Variants in GRIK4 observed in about 807,000 individuals in gnomAD.
GRIK4 encodes the protein glutamate receptor ionotropic, kainate 4.
In GRIK4, 40 loss-of-function variants were observed where a neutral mutation model predicts 104.9. The observed-to-expected ratio is 0.38, with a 90% confidence interval of 0.30 to 0.50. GRIK4 has a LOEUF of 0.50. GRIK4 is among the 20% of genes least tolerant of loss of function. The probability of loss-of-function intolerance (pLI) is 0.93; values close to 1 mark genes in which losing one functional copy is unlikely to be tolerated. For missense variants in GRIK4, 1,047 were observed against 1,308.1 expected, an observed-to-expected ratio of 0.80 and a Z score of 3.08; for synonymous variants, 485 against 524.9, an observed-to-expected ratio of 0.92 and a Z score of 1.04.
intron 12 of GRIK4, among the ~76,000 whole-genome samples, chr11:120,899,322 G>A (rs1359104752): frequency 6.6e-6 from 1 of 151,206 alleles, no homozygotes; most frequent in African/African-American, 2.4e-5. Flanking sequence ...TTGGGAGGCT[G>A]AGGCACGAGA....
intron 3 of GRIK4, among the ~76,000 whole-genome samples, chr11:120,702,029 C>T (rs192796500): frequency 6.8e-6 from 1 of 146,384 alleles, no homozygotes; most frequent in Non-Finnish European, 1.5e-5. Context: ...GATACCGGCT[C>T]ACTGCAATCT....
rs1290650464 is a variant in GRIK4 at position 120,513,299 on chromosome 11, C to T, written c.-159+1412C>T. Among the ~76,000 whole-genome samples, 2 of 152,182 alleles carry T rather than the reference C, an allele frequency of 1.3e-5. No individual in the cohort carries two copies. The highest frequency in any genetic ancestry group is 4.8e-5 in the African/African-American group (2 of 41,454). ...TGACACTTCTAGGAGCACCGGGAAACTGCGGGCGTGGTATCTCCGGGGAGA... is the reference window on the plus strand; with the variant it reads ...TGACACTTCTAGGAGCACCGGGAAATTGCGGGCGTGGTATCTCCGGGGAGA... On this transcript the variant is annotated intron_variant, in intron 1 of 20. Transcript: ENST00000527524. The surrounding 1 kb of genome is among the most constrained non-coding windows in gnomAD (Gnocchi z 4.5).
At chr11:120,666,460 G>A (rs1456056511) in intron 3 of GRIK4, among the ~76,000 whole-genome samples, 3 of 152,230 alleles carry the variant, frequency 2.0e-5, no homozygotes, top group African/African-American at 4.8e-5. Flanking sequence ...CACAAAACGA[G>A]GCAGAGCTAA....
chr11:120,784,823 A>T (rs974624300), intron 3 of GRIK4, among the ~76,000 whole-genome samples: 1 of 151,788 alleles, frequency 6.6e-6, no homozygotes, highest in Admixed American at 6.6e-5. Flanking sequence ...TCCCCAGTTC[A>T]TCCATGAGTC....
chr11:120,717,775 A>T (rs1227976602), intron 3 of GRIK4, among the ~76,000 whole-genome samples: 1 of 152,114 alleles, frequency 6.6e-6, no homozygotes, highest in Non-Finnish European at 1.5e-5. Flanking sequence ...AGGGAAGCCC[A>T]GCCGCCCAGC....
At chr11:120,786,504 G>A (rs1447094789) in intron 3 of GRIK4, among the ~76,000 whole-genome samples, 2 of 152,120 alleles carry the variant, frequency 1.3e-5, no homozygotes, top group East Asian at 3.9e-4. Flanking sequence ...GGTCCCAATA[G>A]CACCTTCACT....
At chr11:120,538,265 G>A (rs960131610) in intron 1 of GRIK4, among the ~76,000 whole-genome samples, 6 of 152,198 alleles carry the variant, frequency 3.9e-5, no homozygotes, top group African/African-American at 1.4e-4. Context: ...GAGAGGACCT[G>A]TTTCTGGAGA....
intron 9 of GRIK4, among the ~76,000 whole-genome samples, chr11:120,865,474 C>G (rs940688331): frequency 1.3e-5 from 2 of 152,244 alleles, no homozygotes; most frequent in African/African-American, 4.8e-5. Flanking sequence ...CAAGGGTTGG[C>G]TAATCCAGAC....
At chr11:120,973,665 C>A (rs1454286196) in intron 19 of GRIK4, among the ~76,000 whole-genome samples, 3 of 152,164 alleles carry the variant, frequency 2.0e-5, no homozygotes. Flanking sequence ...AATGTGGTGG[C>A]CCCATTTGTG....
chr11:120,546,786 G>A (rs1948089437), intron 1 of GRIK4, among the ~76,000 whole-genome samples: 1 of 152,178 alleles, frequency 6.6e-6, no homozygotes, highest in Non-Finnish European at 1.5e-5. Context: ...CCCTCCCACT[G>A]TGTGGCTACT....
At chr11:120,578,399 G>A (rs975111928) in intron 1 of GRIK4, among the ~76,000 whole-genome samples, 1 of 152,140 alleles carries the variant, frequency 6.6e-6, no homozygotes, top group Non-Finnish European at 1.5e-5. Flanking sequence ...CTGCTCCTAG[G>A]TGTGCAAGGG....
intron 3 of GRIK4, among the ~76,000 whole-genome samples, chr11:120,713,275 G>A (rs1950770774): frequency 6.6e-6 from 1 of 152,146 alleles, no homozygotes; most frequent in African/African-American, 2.4e-5. Flanking sequence ...GCTGTTCATT[G>A]GTTGTTTGGA....
chr11:120,934,768 C>T (rs1309440040), intron 13 of GRIK4, among the ~76,000 whole-genome samples: 1 of 152,154 alleles, frequency 6.6e-6, no homozygotes, highest in Non-Finnish European at 1.5e-5. Context: ...TATTTATATA[C>T]CCCTGTGGGG....
intron 1 of GRIK4, among the ~76,000 whole-genome samples, chr11:120,614,929 G>A (rs1949089039): frequency 6.6e-6 from 1 of 152,190 alleles, no homozygotes; most frequent in Admixed American, 6.5e-5. Context: ...AACCCAGGAG[G>A]CGGAGCTTGC....
intron 3 of GRIK4, among the ~76,000 whole-genome samples, chr11:120,696,020 G>A (rs1273290443): frequency 6.6e-6 from 1 of 152,114 alleles, no homozygotes; most frequent in Non-Finnish European, 1.5e-5. Flanking sequence ...CCCACTTCCA[G>A]GAGCAGGCCC....
At chr11:120,548,581 A>C (rs1948109128) in intron 1 of GRIK4, among the ~76,000 whole-genome samples, 1 of 151,628 alleles carries the variant, frequency 6.6e-6, no homozygotes, top group Admixed American at 6.6e-5. Context: ...TCCTCTTCTA[A>C]GCACTGGGTT....
At chr11:120,745,537 C>G (rs548240631) in intron 3 of GRIK4, among the ~76,000 whole-genome samples, 1 of 152,274 alleles carries the variant, frequency 6.6e-6, no homozygotes, top group African/African-American at 2.4e-5. Flanking sequence ...CATCCCTGTG[C>G]CTGGGTCTTT....
intron 3 of GRIK4, among the ~76,000 whole-genome samples, chr11:120,758,893 G>A (rs1219678067): frequency 1.3e-5 from 2 of 152,218 alleles, no homozygotes; most frequent in Non-Finnish European, 2.9e-5. Context: ...GCACCTAATT[G>A]CCAGGCACTG....
At chr11:120,580,273 T>TC (rs2135092728) in intron 1 of GRIK4, among the ~76,000 whole-genome samples, 1 of 142,710 alleles carries the variant, frequency 7.0e-6, no homozygotes, top group South Asian at 2.1e-4. Context: ...TTCTTTCCTT[T>TC]CTTTCTTTAT....
Sources: gnomAD v4.1 joint callset for allele counts (sites outside exome capture counted in the v4.1 genomes callset) on GRCh38, gnomAD v4.1.1 for gene constraint, Gnocchi (gnomAD v3.1) non-coding constraint, MANE v1.5 for transcripts, NCBI Gene and HGNC (gene_info 2026-07-23, HGNC 2026-07-21) for gene names.